Variants in EXOC4 observed in about 807,000 individuals in gnomAD.
EXOC4 encodes SEC8-like 1.
In EXOC4, 71 loss-of-function variants were observed where a neutral mutation model predicts 107.2. The observed-to-expected ratio is 0.66, with a 90% CI of 0.55 to 0.81. EXOC4 has a LOEUF of 0.81. EXOC4 is among the 30% of genes least tolerant of loss of function. The probability of loss-of-function intolerance (pLI) is 0.00; values close to 1 mark genes in which losing one functional copy is unlikely to be tolerated. For synonymous variants in EXOC4, 456 were observed against 441.2 expected, an observed-to-expected ratio of 1.03 and a Z score of -0.42; for missense variants, 1,108 against 1,189.6, an observed-to-expected ratio of 0.93 and a Z score of 1.01.
chr7:133,915,593 A>G (rs1470537754), intron 12 of EXOC4, among the ~76,000 whole-genome samples: 1 of 152,230 alleles, frequency 6.6e-6, no homozygotes, highest in East Asian at 1.9e-4. Flanking sequence ...AGACAGGTAT[A>G]AAGAATGTCA....
At chr7:133,545,397 G>C (rs771590120) in intron 9 of EXOC4, among the ~76,000 whole-genome samples, 12 of 151,940 alleles carry the variant, frequency 7.9e-5, no homozygotes, top group Non-Finnish European at 1.6e-4. Flanking sequence ...AAAATGCCTA[G>C]AACCGCAGAA....
At chr7:134,078,693 T>C in the EXOC4 span, among the ~76,000 whole-genome samples, 3 of 152,230 alleles carry the variant, frequency 2.0e-5, no homozygotes, top group Admixed American at 2.0e-4. Context: ...AGTTGCAATC[T>C]TAAAATGAGG....
intron 9 of EXOC4, among the ~76,000 whole-genome samples, chr7:133,537,292 A>G (rs1800288841): frequency 1.5e-5 from 2 of 137,916 alleles, no homozygotes; most frequent in East Asian, 2.0e-4. Flanking sequence ...TTGGGATTAC[A>G]GGCACCCCCC....
the EXOC4 span, among the ~76,000 whole-genome samples, chr7:134,084,973 G>A: frequency 2.6e-5 from 4 of 152,152 alleles, no homozygotes; most frequent in Admixed American, 2.6e-4. Flanking sequence ...AAAAACAGCT[G>A]GGTTGGTTAC....
intron 7 of EXOC4, among the ~76,000 whole-genome samples, chr7:133,438,409 T>C (rs140790526): frequency 2.0e-5 from 3 of 152,328 alleles, no homozygotes; most frequent in East Asian, 3.9e-4. Flanking sequence ...TTTTGTCTCT[T>C]ATTTCTCTAA....
chr7:133,816,665 C>G (rs935354049), intron 10 of EXOC4, among the ~76,000 whole-genome samples: 1 of 152,152 alleles, frequency 6.6e-6, no homozygotes, highest in African/African-American at 2.4e-5. Context: ...AATGTTTCCA[C>G]GGACAAGGGT....
intron 7 of EXOC4, among the ~76,000 whole-genome samples, chr7:133,444,304 C>G (rs889786022): frequency 3.9e-5 from 6 of 152,162 alleles, no homozygotes; most frequent in African/African-American, 1.4e-4. Flanking sequence ...TTTCTCCAGG[C>G]TCTTTATTCT....
intron 7 of EXOC4, among the ~76,000 whole-genome samples, chr7:133,467,089 C>CGTAT (rs888516112): frequency 3.0e-4 from 45 of 152,132 alleles, no homozygotes; most frequent in African/African-American, 1.1e-3. Context: ...AGTTCACGGG[C>CGTAT]GTATATTCCA....
At chr7:133,666,859 C>T (rs768215820) in intron 10 of EXOC4, among the ~76,000 whole-genome samples, 1 of 152,120 alleles carries the variant, frequency 6.6e-6, no homozygotes, top group Non-Finnish European at 1.5e-5. Flanking sequence ...GTTCAAAGCC[C>T]AGATAAGTAT....
chr7:133,269,284 G>C (rs1414303191), intron 1 of EXOC4, among the ~76,000 whole-genome samples: 2 of 152,184 alleles, frequency 1.3e-5, no homozygotes, highest in Non-Finnish European at 2.9e-5. Context: ...AGGCAGGAAA[G>C]ATAGGATTTT....
At chr7:133,575,834 T>C (rs1421793915) in intron 9 of EXOC4, among the ~76,000 whole-genome samples, 1 of 152,188 alleles carries the variant, frequency 6.6e-6, no homozygotes. Flanking sequence ...AACCTCTCCT[T>C]GGTCCCATAA....
chr7:133,549,889 C>G (rs951075852), intron 9 of EXOC4, among the ~76,000 whole-genome samples: 7 of 152,174 alleles, frequency 4.6e-5, no homozygotes, highest in Non-Finnish European at 1.0e-4. Flanking sequence ...AAAGTATCAT[C>G]TGGCACACTG....
At chr7:133,558,488 G>A (rs952656840) in intron 9 of EXOC4, among the ~76,000 whole-genome samples, 3 of 152,016 alleles carry the variant, frequency 2.0e-5, no homozygotes, top group Non-Finnish European at 4.4e-5. Context: ...AAGTACCTGA[G>A]GCACCGGGGA....
intron 4 of EXOC4, among the ~76,000 whole-genome samples, chr7:133,308,477 C>T (rs1378535009): frequency 6.6e-6 from 1 of 152,138 alleles, no homozygotes; most frequent in Admixed American, 6.5e-5. Context: ...AGAGAGGTCT[C>T]AGAAGAAACC....
intron 10 of EXOC4, among the ~76,000 whole-genome samples, chr7:133,797,678 C>A (rs958959995): frequency 3.9e-5 from 6 of 152,270 alleles, no homozygotes; most frequent in African/African-American, 1.4e-4. Flanking sequence ...TCTATTCATT[C>A]ACTGTTGATT....
chr7:133,720,964 G>C (rs1261291777), intron 10 of EXOC4, among the ~76,000 whole-genome samples: 1 of 152,190 alleles, frequency 6.6e-6, no homozygotes, highest in Non-Finnish European at 1.5e-5. Context: ...TAAATGTGTA[G>C]CTTAGTGGTA....
intron 13 of EXOC4, among the ~76,000 whole-genome samples, chr7:133,935,688 G>A (rs1004016965): frequency 1.3e-5 from 2 of 152,086 alleles, no homozygotes; most frequent in African/African-American, 4.8e-5. Context: ...AGTAAAAACT[G>A]TTTGCACTGT....
chr7:133,294,847 G>A (rs1225922465), intron 3 of EXOC4, among the ~76,000 whole-genome samples: 1 of 152,052 alleles, frequency 6.6e-6, no homozygotes, highest in African/African-American at 2.4e-5. Context: ...GGTTGTGAAT[G>A]TCAGCATGGG....
At chr7:133,657,677 G>A (rs765275455) in intron 10 of EXOC4, among the ~76,000 whole-genome samples, 1 of 152,136 alleles carries the variant, frequency 6.6e-6, no homozygotes, top group Non-Finnish European at 1.5e-5. Context: ...TTGGAACTGG[G>A]AGATACAGGT....
Sources: allele counts gnomAD v4.1 joint callset (sites outside exome capture counted in the v4.1 genomes callset), GRCh38; gene constraint gnomAD v4.1.1; transcripts MANE v1.5; gene names NCBI Gene and HGNC (gene_info 2026-07-23, HGNC 2026-07-21).